The following RBM20 variants were observed in gnomAD, a reference collection of about 807,000 sequenced individuals.
The protein encoded by RBM20 is RNA binding motif protein 20.
A neutral mutation model predicts 110.1 loss-of-function variants in RBM20; 51 were observed. That is an observed-to-expected ratio of 0.46 (90% CI 0.37 to 0.59). The LOEUF (loss-of-function observed/expected upper bound fraction) is 0.59. Ranked by LOEUF, RBM20 falls within the 20% of genes least tolerant of loss-of-function variation. The pLI is 0.00. For synonymous variants in RBM20, 589 were observed against 618.2 expected (o/e 0.95, Z 0.70); for missense variants, 1,512 against 1,574.9 (o/e 0.96, Z 0.68).
intron 1 of RBM20, among the ~76,000 whole-genome samples, chr10:110,771,834 C>A (rs1398579491): frequency 6.6e-6 from 1 of 152,156 alleles, no homozygotes; most frequent in Non-Finnish European, 1.5e-5. Context: ...ATCACTGGGC[C>A]AGGATTGATC....
intron 1 of RBM20, among the ~76,000 whole-genome samples, chr10:110,661,260 T>C (rs1322360675): frequency 6.6e-6 from 1 of 152,206 alleles, no homozygotes; most frequent in East Asian, 1.9e-4. Context: ...GTTAGAAGAT[T>C]GTAGCCTCTG....
chr10:110,753,528 T>A (rs2840311), intron 1 of RBM20, among the ~76,000 whole-genome samples: 1 of 151,990 alleles, frequency 6.6e-6, no homozygotes, highest in Non-Finnish European at 1.5e-5. Context: ...TGAAATGTAA[T>A]CTTTAGAATT....
intron 1 of RBM20, among the ~76,000 whole-genome samples, chr10:110,729,977 G>A (rs1295251510): frequency 1.3e-5 from 2 of 152,024 alleles, no homozygotes; most frequent in African/African-American, 4.8e-5. Context: ...CACCATGCCC[G>A]GCTAATTTTT....
At chr10:110,708,646 A>G (rs997978086) in intron 1 of RBM20, among the ~76,000 whole-genome samples, 1 of 152,216 alleles carries the variant, frequency 6.6e-6, no homozygotes, top group Non-Finnish European at 1.5e-5. Flanking sequence ...GGGATTTCAA[A>G]TGATTTTCAC....
intron 13 of RBM20, among the ~76,000 whole-genome samples, chr10:110,831,739 C>T (rs1337117096): frequency 6.7e-6 from 1 of 148,304 alleles, no homozygotes; most frequent in East Asian, 2.0e-4. Flanking sequence ...AAATACTTAT[C>T]ACAGGCATGC....
chr10:110,829,102 G>A (rs1250617277), intron 12 of RBM20, among the ~76,000 whole-genome samples: 7 of 152,218 alleles, frequency 4.6e-5, no homozygotes, highest in Non-Finnish European at 7.3e-5. Context: ...CCAGAGGCTG[G>A]GACGGGACTG....
chr10:110,793,008 G>A (rs1019103412), intron 5 of RBM20, among the ~76,000 whole-genome samples: 1 of 152,170 alleles, frequency 6.6e-6, no homozygotes, highest in Admixed American at 6.5e-5. Flanking sequence ...GGTTCTTGGG[G>A]TTTAGCTTGT....
chr10:110,710,904 C>A (rs886813399), intron 1 of RBM20, among the ~76,000 whole-genome samples: 1 of 152,136 alleles, frequency 6.6e-6, no homozygotes, highest in African/African-American at 2.4e-5. Context: ...ACTGCTTTTG[C>A]TTGGGGAACC....
chr10:110,659,425 G>T (rs1161214970), intron 1 of RBM20, among the ~76,000 whole-genome samples: 2 of 152,150 alleles, frequency 1.3e-5, no homozygotes, highest in Non-Finnish European at 2.9e-5. Context: ...GAGATGACAG[G>T]TGAACATGCC....
At chr10:110,685,874 A>G (rs1178522346) in intron 1 of RBM20, among the ~76,000 whole-genome samples, 7 of 152,228 alleles carry the variant, frequency 4.6e-5, no homozygotes, top group African/African-American at 1.7e-4. Flanking sequence ...ATGCTTTTAC[A>G]TAATGCAGGA....
At chr10:110,779,508 G>A (rs1156525036) in intron 1 of RBM20, among the ~76,000 whole-genome samples, 1 of 152,216 alleles carries the variant, frequency 6.6e-6, no homozygotes, top group Non-Finnish European at 1.5e-5. Context: ...ATCTCCCTCA[G>A]TTCTGGGAGC....
chr10:110,822,050 A>C, intron 11 of RBM20, 115 bp downstream of exon 11: 1 of 1,047,990 alleles, frequency 9.5e-7, no homozygotes, highest in South Asian at 1.4e-5. Context: ...AACTAGCATT[A>C]AAGTGGGTGC....
intron 1 of RBM20, among the ~76,000 whole-genome samples, chr10:110,728,340 A>G (rs1371701356): frequency 1.3e-5 from 2 of 152,284 alleles, no homozygotes; most frequent in South Asian, 2.1e-4. Flanking sequence ...CTATCTGGGT[A>G]GCCCAAGGTC....
At chr10:110,761,843 C>T (rs2135003420) in intron 1 of RBM20, among the ~76,000 whole-genome samples, 1 of 152,330 alleles carries the variant, frequency 6.6e-6, no homozygotes, top group South Asian at 2.1e-4. Context: ...TTCATGGGGG[C>T]CAGGTGTGCC....
rs1845174864 is a variant in RBM20 at position 110,839,385 on chromosome 10, C to G, written c.*3407C>G. The G allele has an allele frequency of 1.3e-5, 2 of 152,014 alleles. No individual in the cohort carries two copies. 9.4% of individuals were successfully genotyped at this position (152,014 alleles called of 1,614,324 possible). On this transcript the variant is annotated 3_prime_UTR_variant, in exon 14 of 14. Coordinates refer to ENST00000369519, the MANE Select transcript of RBM20 (RefSeq NM_001134363.3). ...TGTCCTATAAATTGTCACTACTTTT[C>G]CTGATCTGTATAACTGACTGCAAAG...
chr10:110,747,136 T>G (rs921603792), intron 1 of RBM20, among the ~76,000 whole-genome samples: 3 of 152,232 alleles, frequency 2.0e-5, no homozygotes, highest in Non-Finnish European at 4.4e-5. Flanking sequence ...TAGACCTTTC[T>G]GTACTATTTT....
At chr10:110,720,665 C>T (rs1843494439) in intron 1 of RBM20, among the ~76,000 whole-genome samples, 2 of 88,646 alleles carry the variant, frequency 2.3e-5, no homozygotes, top group South Asian at 3.6e-4. Flanking sequence ...AGCCTGATCT[C>T]CTAACCCTCA....
At chr10:110,792,342 T>G (rs1036168923) in intron 5 of RBM20, among the ~76,000 whole-genome samples, 1 of 152,200 alleles carries the variant, frequency 6.6e-6, no homozygotes, top group Non-Finnish European at 1.5e-5. Flanking sequence ...TTTTTCCCAA[T>G]GCAGAATCAT....
At position 110,709,930 on chromosome 10, in the gene RBM20, A is replaced by G. The variant is rs561818194; in HGVS notation, c.191+65285A>G. Among the ~76,000 whole-genome samples the G allele has an allele frequency of 3.3e-5, 5 of 152,254 alleles. No individual in the cohort carries two copies. The South Asian group carries it at 8.3e-4, about 25-fold the overall frequency. The stretch of plus-strand genomic sequence containing the variant: ...AAAAGTCAGAACCCATTAGAGATGA[A>G]CAGAATGTTTGTTTTTTTAAAACCT... On this transcript the variant is annotated intron_variant, in intron 1 of 13. Coordinates refer to ENST00000369519, the MANE Select transcript of RBM20 (RefSeq NM_001134363.3).
Sources: gnomAD v4.1 joint callset for allele counts (sites outside exome capture counted in the v4.1 genomes callset) on GRCh38, gnomAD v4.1.1 for gene constraint, MANE v1.5 for transcripts, NCBI Gene and HGNC (gene_info 2026-07-23, HGNC 2026-07-21) for gene names.